The following SMARCA2 variants were observed in gnomAD, a reference collection of about 807,000 sequenced individuals.
SMARCA2 encodes the protein SWI/SNF-related matrix-associated actin-dependent regulator of chromatin subfamily A member 2.
Under a neutral mutation model 199.8 loss-of-function variants are expected in SMARCA2, and 61 were observed. The ratio of observed to expected loss-of-function variants is 0.31; its 90% CI spans 0.25 to 0.38. The LOEUF (loss-of-function observed/expected upper bound fraction) is 0.38. Ranked by LOEUF, SMARCA2 falls within the 10% of genes least tolerant of loss-of-function variation. SMARCA2 has a pLI of 1.00. For synonymous variants in SMARCA2, 935 were observed against 732.0 expected, an observed-to-expected ratio of 1.28 and a Z score of -4.48; for missense variants, 1,344 against 2,012.2, an observed-to-expected ratio of 0.67 and a Z score of 6.35.
intron 12 of SMARCA2, among the ~76,000 whole-genome samples, chr9:2,075,686 T>G (rs1821292981): frequency 6.6e-6 from 1 of 152,182 alleles, no homozygotes; most frequent in South Asian, 2.1e-4. Context: ...AGACAGAGTT[T>G]CGCTCTTGTT....
chr9:2,105,017 T>C (rs1330357754), intron 23 of SMARCA2, among the ~76,000 whole-genome samples: 1 of 152,206 alleles, frequency 6.6e-6, no homozygotes, highest in Non-Finnish European at 1.5e-5. Flanking sequence ...TATTGTTAAA[T>C]GGGAAACTTA....
intron 1 of SMARCA2, chr9:2,027,626 G>C (rs904187453): frequency 1.3e-5 from 2 of 152,148 alleles, no homozygotes; most frequent in African/African-American, 4.8e-5. Flanking sequence ...TCATACTCTA[G>C]AGATTCAGTG....
In SMARCA2 at chr9:2,039,959, G is replaced by C. The variant is rs1459413593; in HGVS notation, c.790+59G>C. 1.3e-6 allele frequency: 2 copies of C among 1,591,310 alleles called. No homozygotes were observed. Among genetic ancestry groups the C allele is most frequent in the Non-Finnish European group, 1.7e-6 (2 of 1,169,488 alleles). ...TGGTCCAACTCGGATAACAAAGACT[G>C]CTCACCAAAACACCGGGTTGTTAAA... On this transcript the variant is annotated intron_variant, in intron 4 of 33. Transcript: ENST00000349721. The surrounding 1 kb of genome is among the most constrained non-coding windows in gnomAD (Gnocchi z 4.8).
chr9:2,155,794 A>T (rs1348322195), intron 27 of SMARCA2, among the ~76,000 whole-genome samples: 1 of 120,284 alleles, frequency 8.3e-6, no homozygotes, highest in Non-Finnish European at 1.6e-5. Flanking sequence ...AGTAAACTGG[A>T]AAACCCACTG....
intron 18 of SMARCA2, among the ~76,000 whole-genome samples, 154 bp from the exon 19 acceptor site, chr9:2,088,346 A>G (rs1821895092): frequency 6.6e-6 from 1 of 152,234 alleles, no homozygotes; most frequent in Non-Finnish European, 1.5e-5. Context: ...AGGTGGGAAG[A>G]TAATTCAGAG....
chr9:2,157,877 T>C (rs924797419), intron 27 of SMARCA2: 5 of 398,342 alleles, frequency 1.3e-5, no homozygotes, highest in South Asian at 1.3e-4. Context: ...CGTCACGCAG[T>C]AAAGATGTGG....
chr9:2,083,480 A>C, intron 16 of SMARCA2, 67 bp downstream of exon 16: 1 of 954,840 alleles, frequency 1.0e-6, no homozygotes, highest in Non-Finnish European at 1.7e-6. Flanking sequence ...TCTTCATTCC[A>C]TATGCACATC....
At chr9:2,188,479 C>A (rs180730008) in intron 32 of SMARCA2, among the ~76,000 whole-genome samples, 2 of 152,188 alleles carry the variant, frequency 1.3e-5, no homozygotes, top group Non-Finnish European at 2.9e-5. Context: ...GTCCCAAATT[C>A]ATGTAGTTAT....
At chr9:2,190,970 T>A (rs187350124) in intron 32 of SMARCA2, among the ~76,000 whole-genome samples, 220 of 152,336 alleles carry the variant, frequency 1.4e-3, no homozygotes, top group Middle Eastern at 3.4e-3. Context: ...CTCATTATCC[T>A]TGGTCAGCCA....
intron 8 of SMARCA2, among the ~76,000 whole-genome samples, chr9:2,059,383 G>A (rs1820487137): frequency 6.6e-6 from 1 of 152,072 alleles, no homozygotes; most frequent in African/African-American, 2.4e-5. Flanking sequence ...AAGCCTCTGT[G>A]TGCAGGTACT....
rs774058791 is a variant in SMARCA2 at position 2,073,348 on chromosome 9, G to A, written c.1877+6G>A. 13 of 1,614,002 alleles carry A rather than the reference G, an allele frequency of 8.1e-6. No homozygotes were observed. The highest frequency in any genetic ancestry group is 3.3e-4 in the Middle Eastern group (2 of 6,084). On this transcript the variant is annotated splice_donor_region_variant and intron_variant, in intron 11 of 33. Coordinates refer to ENST00000349721, the MANE Select transcript of SMARCA2 (RefSeq NM_003070.5). Reference sequence around the variant, plus strand: ...TGGCTGGAAATGAATCCTGGGTAAGGCATGAAAGCAGCGTTCATGGTGTTC... The same window carrying A: ...TGGCTGGAAATGAATCCTGGGTAAGACATGAAAGCAGCGTTCATGGTGTTC...
rs114994055 is a variant in SMARCA2, at chr9:2,176,591, G to A, written c.4254-4980G>A. On this transcript the variant is annotated intron_variant, in intron 29 of 33. Coordinates refer to ENST00000349721, the MANE Select transcript of SMARCA2 (RefSeq NM_003070.5). ...TTGAGACAACAAAGTCAGCTCTGTT[G>A]ACCAGGCTGGACTGCAGGGGCATGA... Among the ~76,000 whole-genome samples the A allele has an allele frequency of 7.3e-3, 1,117 of 152,188 alleles. 16 individuals are homozygous for A. The highest frequency in any genetic ancestry group is 0.024 in the African/African-American group (1,015 of 41,498).
rs1367252411 is a variant in SMARCA2, at chr9:2,119,580, C to T, written c.3762+45C>T. On this transcript the variant is annotated intron_variant, in intron 26 of 33. Coordinates refer to ENST00000349721, the MANE Select transcript of SMARCA2 (RefSeq NM_003070.5). The surrounding 1 kb of genome is among the most constrained non-coding windows in gnomAD (Gnocchi z 4.6). ...TGAACACAAATGCTTTATACCTCTG[C>T]CCCTTTTTCTGTTAAGCAGAATGTC... The T allele has an allele frequency of 1.5e-6, 2 of 1,323,950 alleles. No homozygotes were observed. The highest frequency in any genetic ancestry group is 4.6e-5 in the East Asian group (2 of 43,258). The allele number at this position is 1,323,950 out of a possible 1,614,324, so 82.0% of individuals were successfully genotyped here.
At chr9:2,040,858 A>C (rs1481909279) in intron 4 of SMARCA2, 1 of 152,338 alleles carries the variant, frequency 6.6e-6, no homozygotes, top group Admixed American at 6.5e-5. Context: ...GGTGCAGGGG[A>C]CTGTGAAGTG....
intron 1 of SMARCA2, chr9:2,021,990 G>C (rs1424111654): frequency 2.0e-5 from 3 of 152,012 alleles, no homozygotes; most frequent in African/African-American, 7.2e-5. Flanking sequence ...AGATCACAGA[G>C]ACCCGGCCTG....
intron 28 of SMARCA2, among the ~76,000 whole-genome samples, chr9:2,168,161 A>C (rs548634016): frequency 4.6e-5 from 7 of 151,528 alleles, no homozygotes; most frequent in South Asian, 2.1e-4. Flanking sequence ...ATGGGCGTGC[A>C]CCACGATGCC....
chr9:2,151,455 G>C (rs1284851784), intron 27 of SMARCA2, among the ~76,000 whole-genome samples: 1 of 151,556 alleles, frequency 6.6e-6, no homozygotes, highest in African/African-American at 2.4e-5. Context: ...ATTGAGGCTG[G>C]GCACAGTGGC....
chr9:2,174,358 T>C (rs1308248416), intron 29 of SMARCA2, among the ~76,000 whole-genome samples: 3 of 152,168 alleles, frequency 2.0e-5, no homozygotes, highest in Non-Finnish European at 2.9e-5. Context: ...TTTGGATATA[T>C]ATATGTCCTT....
chr9:2,188,024 T>G (rs560603143), intron 32 of SMARCA2, among the ~76,000 whole-genome samples: 8 of 152,172 alleles, frequency 5.3e-5, no homozygotes, highest in Non-Finnish European at 1.2e-4. Flanking sequence ...ATTACACGTT[T>G]TTTTACCTTT....
Sources: gnomAD v4.1 joint callset for allele counts (sites outside exome capture counted in the v4.1 genomes callset) on GRCh38, gnomAD v4.1.1 for gene constraint, Gnocchi (gnomAD v3.1) non-coding constraint, MANE v1.5 for transcripts, NCBI Gene and HGNC (gene_info 2026-07-23, HGNC 2026-07-21) for gene names.